The following SGCG variants were observed in gnomAD, a reference collection of about 807,000 sequenced individuals.
The protein encoded by SGCG is gamma-sarcoglycan.
A neutral mutation model predicts 29.3 loss-of-function variants in SGCG; 26 were observed. The observed-to-expected ratio is 0.89, with a 90% CI of 0.65 to 1.23. SGCG has a LOEUF of 1.23. Ranked by LOEUF, SGCG falls within the 50% of genes most tolerant of loss-of-function variation. The pLI is 0.00. For missense variants in SGCG, 353 were observed against 356.0 expected, an observed-to-expected ratio of 0.99 and a Z score of 0.07; for synonymous variants, 145 against 129.7, an observed-to-expected ratio of 1.12 and a Z score of -0.80.
intron 3 of SGCG, among the ~76,000 whole-genome samples, chr13:23,240,169 G>GTAT (rs1373215209): frequency 6.6e-6 from 1 of 152,218 alleles, no homozygotes; most frequent in East Asian, 1.9e-4. Context: ...GAAAATTGGA[G>GTAT]TGACTATATT....
At chr13:23,184,280 C>A (rs937608770) in intron 1 of SGCG, among the ~76,000 whole-genome samples, 1 of 152,030 alleles carries the variant, frequency 6.6e-6, no homozygotes, top group African/African-American at 2.4e-5. Flanking sequence ...AAATAACTTC[C>A]TTTTCTTAAA....
intron 6 of SGCG, among the ~76,000 whole-genome samples, chr13:23,315,235 C>T (rs1332190075): frequency 6.6e-6 from 1 of 152,192 alleles, no homozygotes; most frequent in Non-Finnish European, 1.5e-5. Context: ...GGAAGTTTGA[C>T]TGTGGGTCAT....
At chr13:23,229,865 A>G (rs1386896352) in intron 2 of SGCG, among the ~76,000 whole-genome samples, 2 of 152,114 alleles carry the variant, frequency 1.3e-5, no homozygotes, top group African/African-American at 4.8e-5. Context: ...GCTGGTTCCT[A>G]TATCCTAAAT....
intron 2 of SGCG, among the ~76,000 whole-genome samples, chr13:23,208,350 T>C (rs1593173495): frequency 6.6e-6 from 1 of 152,294 alleles, no homozygotes; most frequent in East Asian, 1.9e-4. Flanking sequence ...CATACTTTAA[T>C]GTTTCACTGT....
At chr13:23,203,653 C>G in intron 1 of SGCG, 42 bp from the exon 2 acceptor site, 1 of 1,500,168 alleles carries the variant, frequency 6.7e-7, no homozygotes, top group Non-Finnish European at 9.2e-7. Context: ...CATTCCCTCT[C>G]TGTCTCTTTC....
chr13:23,230,793 T>C (rs1052984650), intron 2 of SGCG, among the ~76,000 whole-genome samples: 1 of 152,210 alleles, frequency 6.6e-6, no homozygotes, highest in African/African-American at 2.4e-5. Context: ...TCTTGCCTGA[T>C]TGCTCTGACC....
At chr13:23,303,255 T>C (rs1036550993) in intron 6 of SGCG, among the ~76,000 whole-genome samples, 3 of 152,120 alleles carry the variant, frequency 2.0e-5, no homozygotes, top group Non-Finnish European at 2.9e-5. Context: ...CCCTGCAAGC[T>C]CCCAGCCTGG....
intron 6 of SGCG, among the ~76,000 whole-genome samples, chr13:23,304,623 G>T (rs529807316): frequency 6.6e-6 from 1 of 151,456 alleles, no homozygotes; most frequent in South Asian, 2.1e-4. Flanking sequence ...GGAGGGGAGC[G>T]GATGGAGTCT....
chr13:23,307,623 A>G lies in SGCG; in HGVS notation c.578+12136A>G, dbSNP rs75411549. 5.3e-3 allele frequency among the ~76,000 whole-genome samples: 801 copies of G among 152,158 alleles called. 15 individuals carry two copies. Among genetic ancestry groups the G allele is most frequent in the Admixed American group, 0.03 (456 of 15,284 alleles). Reference sequence around the variant, plus strand: ...TGGGTTTTTTTCAAGGTTCTAATGAAAGGTGATTCAATTCAAAGAAAATAT... The same window carrying G: ...TGGGTTTTTTTCAAGGTTCTAATGAGAGGTGATTCAATTCAAAGAAAATAT... On this transcript the variant is annotated intron_variant, in intron 6 of 7. Coordinates refer to ENST00000218867, the MANE Select transcript of SGCG (RefSeq NM_000231.3).
intron 1 of SGCG, among the ~76,000 whole-genome samples, chr13:23,193,543 G>T (rs1877366108): frequency 6.6e-6 from 1 of 152,138 alleles, no homozygotes; most frequent in African/African-American, 2.4e-5. Context: ...GATTGTGATG[G>T]CACTCATGCT....
At chr13:23,204,051 T>C (rs1565998495) in intron 2 of SGCG, among the ~76,000 whole-genome samples, 162 bp downstream of exon 2, 2 of 152,322 alleles carry the variant, frequency 1.3e-5, no homozygotes, top group Non-Finnish European at 2.9e-5. Flanking sequence ...TTTACGTTTT[T>C]CCCTTTTCCT....
At chr13:23,296,354 G>C (rs925440161) in intron 6 of SGCG, among the ~76,000 whole-genome samples, 1 of 152,166 alleles carries the variant, frequency 6.6e-6, no homozygotes, top group Non-Finnish European at 1.5e-5. Context: ...TAAAAACCAA[G>C]TGCACAATAA....
At chr13:23,299,626 G>T (rs1301002625) in intron 6 of SGCG, among the ~76,000 whole-genome samples, 1 of 150,524 alleles carries the variant, frequency 6.6e-6, no homozygotes, top group Non-Finnish European at 1.5e-5. Flanking sequence ...CTAATTTTTT[G>T]TATTTTTAGC....
chr13:23,314,374 G>T, intron 6 of SGCG, among the ~76,000 whole-genome samples: 2 of 20,970 alleles, frequency 9.5e-5, no homozygotes, highest in Admixed American at 5.5e-4. Flanking sequence ...AATGATGTCT[G>T]CTATAGGTTA....
chr13:23,281,891 C>T (rs1881319264), intron 5 of SGCG, among the ~76,000 whole-genome samples: 1 of 152,188 alleles, frequency 6.6e-6, no homozygotes, highest in African/African-American at 2.4e-5. Context: ...CCGTCTATGG[C>T]CCAGGGATCC....
rs552354531 is a variant in SGCG at position 23,234,336 on chromosome 13, T to C, written c.196-275T>C. Among the ~76,000 whole-genome samples, 7 of 152,218 alleles carry C rather than the reference T, an allele frequency of 4.6e-5. No homozygotes were observed. The East Asian group carries it at 9.6e-4, about 21-fold the overall frequency. On this transcript the variant is annotated intron_variant, in intron 2 of 7. Coordinates refer to ENST00000218867, the MANE Select transcript of SGCG (RefSeq NM_000231.3). ...CTTAATTTAATTTTTTTTAAAAAAA[T>C]GGATTCTTTTTCTTACATGGTGATG... is the stretch of plus-strand genomic sequence containing the variant.
At chr13:23,320,363 G>A (rs1433311862) in intron 6 of SGCG, among the ~76,000 whole-genome samples, 1 of 152,182 alleles carries the variant, frequency 6.6e-6, no homozygotes, top group Non-Finnish European at 1.5e-5. Flanking sequence ...TATGCCATCG[G>A]AAACTGCTGC....
At chr13:23,218,575 G>A (rs557797337) in intron 2 of SGCG, among the ~76,000 whole-genome samples, 3 of 152,226 alleles carry the variant, frequency 2.0e-5, no homozygotes, top group Non-Finnish European at 4.4e-5. Flanking sequence ...AATAAAATTT[G>A]TTGGGAAAGG....
At chr13:23,199,375 C>T (rs1877650616) in intron 1 of SGCG, among the ~76,000 whole-genome samples, 1 of 152,202 alleles carries the variant, frequency 6.6e-6, no homozygotes, top group African/African-American at 2.4e-5. Context: ...TTCTTGCTGA[C>T]ATGAATACCA....
Sources: allele counts gnomAD v4.1 joint callset (sites outside exome capture counted in the v4.1 genomes callset), GRCh38; gene constraint gnomAD v4.1.1; transcripts MANE v1.5; gene names NCBI Gene and HGNC (gene_info 2026-07-23, HGNC 2026-07-21).